ADAM22: variants seen among roughly 807,000 people sequenced by gnomAD.
ADAM22 encodes ADAM metallopeptidase domain 22, also known as disintegrin and metalloproteinase domain-containing protein 22.
In ADAM22, 65 loss-of-function variants were observed where a neutral mutation model predicts 144.6. That is an observed-to-expected ratio of 0.45 (90% CI 0.37 to 0.55). The LOEUF (loss-of-function observed/expected upper bound fraction) is 0.55, where lower values mean the gene tolerates loss of function less well. Among genes scored for constraint, ADAM22 ranks in the 20% least tolerant of loss-of-function variants. The pLI is 0.00. For missense variants in ADAM22, 974 were observed against 1,184.9 expected, an observed-to-expected ratio of 0.82 and a Z score of 2.61; for synonymous variants, 391 against 412.6, an observed-to-expected ratio of 0.95 and a Z score of 0.63.
At chr7:88,181,713 C>A in intron 28 of ADAM22, 108 bp downstream of exon 28, 3 of 976,450 alleles carry the variant, frequency 3.1e-6, no homozygotes, top group Non-Finnish European at 3.1e-6. Context: ...GCTCTTCTCC[C>A]AACAGAGAGG....
At chr7:87,955,001 C>G (rs1241161998) in intron 2 of ADAM22, among the ~76,000 whole-genome samples, 1 of 152,184 alleles carries the variant, frequency 6.6e-6, no homozygotes, top group African/African-American at 2.4e-5. Context: ...CCTTTAAGCA[C>G]TTCTCTGTAT....
intron 3 of ADAM22, among the ~76,000 whole-genome samples, chr7:87,993,080 G>A (rs927848577): frequency 7.9e-5 from 12 of 152,160 alleles, no homozygotes; most frequent in Admixed American, 2.6e-4. Context: ...GGCTAGTGGC[G>A]TATGGGGTGG....
intron 3 of ADAM22, among the ~76,000 whole-genome samples, chr7:87,980,651 T>G (rs1416041085): frequency 6.6e-6 from 1 of 152,144 alleles, no homozygotes; most frequent in East Asian, 1.9e-4. Flanking sequence ...ACATAATGTT[T>G]CTTCTTAATG....
intron 10 of ADAM22, 48 bp downstream of exon 10, chr7:88,130,507 T>C (rs1039665237): frequency 1.3e-6 from 2 of 1,513,254 alleles, no homozygotes; most frequent in Non-Finnish European, 1.8e-6. Context: ...TCTTATTTCC[T>C]AATTGCTAAT....
intron 30 of ADAM22, among the ~76,000 whole-genome samples, chr7:88,190,529 C>T (rs1849388138): frequency 6.6e-6 from 1 of 151,938 alleles, no homozygotes; most frequent in Non-Finnish European, 1.5e-5. Context: ...GAGTGAGACT[C>T]CATCTCAAAA....
chr7:88,068,471 T>A (rs1246136251), intron 3 of ADAM22, among the ~76,000 whole-genome samples: 2 of 152,202 alleles, frequency 1.3e-5, no homozygotes, highest in African/African-American at 4.8e-5. Context: ...ATTTGAAGTC[T>A]TATGATTCTT....
intron 14 of ADAM22, among the ~76,000 whole-genome samples, chr7:88,138,474 G>A (rs1161281270): frequency 6.6e-6 from 1 of 152,172 alleles, no homozygotes; most frequent in Non-Finnish European, 1.5e-5. Flanking sequence ...TATGGGATAT[G>A]ACGCTATAAT....
chr7:88,115,976 C>T (rs1273592511), intron 6 of ADAM22, among the ~76,000 whole-genome samples: 2 of 152,306 alleles, frequency 1.3e-5, no homozygotes, highest in Non-Finnish European at 2.9e-5. Context: ...CCTCGTATTA[C>T]ACAACATTGC....
At chr7:87,938,470 C>T (rs899831593) in intron 2 of ADAM22, among the ~76,000 whole-genome samples, 5 of 151,698 alleles carry the variant, frequency 3.3e-5, no homozygotes, top group East Asian at 3.9e-4. Flanking sequence ...CCTCCCACCT[C>T]GGCCACCCAA....
intron 11 of ADAM22, chr7:88,132,158 T>G (rs912657604): frequency 6.6e-6 from 1 of 151,384 alleles, no homozygotes; most frequent in African/African-American, 2.4e-5. Flanking sequence ...TTTTTTTTTG[T>G]TTTTTTTCCT....
intron 2 of ADAM22, among the ~76,000 whole-genome samples, chr7:87,966,618 G>A (rs1034820641): frequency 5.9e-5 from 9 of 151,342 alleles, no homozygotes; most frequent in African/African-American, 1.9e-4. Flanking sequence ...TGGCAGCCAG[G>A]GAATCACAAG....
intron 2 of ADAM22, among the ~76,000 whole-genome samples, chr7:87,943,589 CTTTTGA>C (rs1417652137): frequency 1.3e-5 from 2 of 152,014 alleles, no homozygotes; most frequent in Non-Finnish European, 1.5e-5. Flanking sequence ...CTATCCTTTA[CTTTTGA>C]TTTTATCATT....
chr7:87,944,171 T>C (rs1843005386), intron 2 of ADAM22, among the ~76,000 whole-genome samples: 1 of 151,824 alleles, frequency 6.6e-6, no homozygotes, highest in Non-Finnish European at 1.5e-5. Context: ...TTTAAGTAGG[T>C]TTGTTTCGGA....
intron 3 of ADAM22, among the ~76,000 whole-genome samples, chr7:88,044,787 G>A (rs1445465478): frequency 2.0e-5 from 3 of 151,392 alleles, no homozygotes; most frequent in East Asian, 1.9e-4. Context: ...GTGCAGTGGC[G>A]CGATCTCGGC....
chr7:87,976,439 G>GA (rs1382024522), intron 2 of ADAM22, among the ~76,000 whole-genome samples: 2 of 152,314 alleles, frequency 1.3e-5, no homozygotes, highest in Non-Finnish European at 1.5e-5. Context: ...GACACAGAGA[G>GA]AAAATGGCCA....
intron 2 of ADAM22, among the ~76,000 whole-genome samples, chr7:87,938,794 C>T (rs1040302076): frequency 2.0e-5 from 3 of 151,994 alleles, no homozygotes; most frequent in African/African-American, 4.8e-5. Flanking sequence ...GGACTACAGG[C>T]GCGTGCCACC....
chr7:88,200,223 G>A lies in ADAM22; in HGVS notation c.*3732G>A, dbSNP rs1039817253. On this transcript the variant is annotated 3_prime_UTR_variant, in exon 32 of 32. Coordinates refer to ENST00000413139, the MANE Select transcript of ADAM22 (RefSeq NM_001324418.2). ...TTTTATCCATTCATTTCCTATTGTC[G>A]TATAGTTCTAACCATATATATAGTA... is the stretch of plus-strand genomic sequence containing the variant. 68 of 151,872 alleles carry A rather than the reference G, an allele frequency of 4.5e-4. No homozygotes were observed. The highest frequency in any genetic ancestry group is 1.4e-3 in the African/African-American group (59 of 41,294). 9.4% of individuals were successfully genotyped at this position (151,872 alleles called of 1,614,324 possible). A position where few individuals can be genotyped will look rare whatever the true frequency, so the allele number is the denominator to read the frequency against.
intron 14 of ADAM22, among the ~76,000 whole-genome samples, chr7:88,141,758 CAGTTT>C (rs1834758015): frequency 6.6e-6 from 1 of 151,954 alleles, no homozygotes; most frequent in Admixed American, 6.6e-5. Flanking sequence ...ATATATATCA[CAGTTT>C]AGTTATATAT....
intron 5 of ADAM22, 57 bp from the exon 6 acceptor site, chr7:88,114,527 T>A: frequency 6.5e-7 from 1 of 1,542,854 alleles, no homozygotes; most frequent in Middle Eastern, 1.7e-4. Flanking sequence ...TTTAAAATGA[T>A]CTTGTTCTGG....
Sources: gnomAD v4.1 joint callset for allele counts (sites outside exome capture counted in the v4.1 genomes callset) on GRCh38, gnomAD v4.1.1 for gene constraint, MANE v1.5 for transcripts, NCBI Gene and HGNC (gene_info 2026-07-23, HGNC 2026-07-21) for gene names.